Variants in ELF1 observed in about 807,000 individuals in gnomAD.
ELF1 encodes the protein E74 like ETS transcription factor 1.
In ELF1, 24 loss-of-function variants were observed where a neutral mutation model predicts 59.9. The observed-to-expected ratio is 0.40, with a 90% CI of 0.29 to 0.56. The LOEUF (loss-of-function observed/expected upper bound fraction) is 0.56, where lower values mean the gene tolerates loss of function less well. Ranked by LOEUF, ELF1 falls within the 20% of genes least tolerant of loss-of-function variation. ELF1 has a pLI of 0.44. For missense variants in ELF1, 627 were observed against 742.2 expected (o/e 0.84, Z 1.80); for synonymous variants, 248 against 266.2 (o/e 0.93, Z 0.67).
intron 1 of ELF1, among the ~76,000 whole-genome samples, chr13:41,042,716 C>T (rs1167136118): frequency 2.6e-5 from 4 of 152,124 alleles, no homozygotes; most frequent in African/African-American, 9.7e-5. Context: ...CATTGATGGA[C>T]ATTTGGCTTG....
At chr13:41,005,417 G>T (rs1593391064) in intron 1 of ELF1, among the ~76,000 whole-genome samples, 1 of 128,974 alleles carries the variant, frequency 7.8e-6, no homozygotes. Context: ...ACCTTGATAT[G>T]TGACCCTCCC....
At chr13:41,050,844 C>T (rs546566878) in intron 1 of ELF1, among the ~76,000 whole-genome samples, 96 of 152,328 alleles carry the variant, frequency 6.3e-4, no homozygotes, top group African/African-American at 2.1e-3. Context: ...CCACCACACC[C>T]GGCCTCTTTC....
chr13:41,032,374 T>C (rs1458692564), intron 1 of ELF1, among the ~76,000 whole-genome samples: 1 of 151,754 alleles, frequency 6.6e-6, no homozygotes, highest in Admixed American at 6.6e-5. Flanking sequence ...TGCACCACCA[T>C]GCCCAGCTAA....
Position 40,934,000 on chromosome 13 carries a change from C to G in ELF1, c.1285G>C (p.Val429Leu), listed in dbSNP as rs1238503234. 3 of 1,614,084 alleles carry G rather than the reference C, an allele frequency of 1.9e-6. No individual in the cohort carries two copies. The highest frequency in any genetic ancestry group is 2.5e-6 in the Non-Finnish European group (3 of 1,179,970). The part of the protein sequence containing the change: ...RTIQAPTQVP[V>L]VVSPRNQQLH... ...TGCTGATTCCTAGGAGACACAACCA[C>G]TGGAACTTGGGTTGGAGCCTGTATA... The change falls in exon 9 of 9, where the codon GTG (valine) becomes CTG (leucine). Residue 429 changes from valine to leucine, a missense_variant. Coordinates refer to ENST00000239882, the MANE Select transcript of ELF1 (RefSeq NM_172373.4).
chr13:40,944,054 G>A (rs1870355128), intron 5 of ELF1, 129 bp from the exon 6 acceptor site: 1 of 759,906 alleles, frequency 1.3e-6, no homozygotes, highest in Non-Finnish European at 2.1e-6. Flanking sequence ...ACATATACAG[G>A]TCTCTTAAAA....
chr13:41,048,066 C>T (rs1003744052), intron 1 of ELF1, among the ~76,000 whole-genome samples: 2 of 152,222 alleles, frequency 1.3e-5, no homozygotes, highest in Non-Finnish European at 2.9e-5. Flanking sequence ...GGGCATGAGG[C>T]CCTCCAAGCC....
chr13:41,001,948 C>CGTTCAATATCTAACTCCTA (rs1476462362), intron 1 of ELF1, among the ~76,000 whole-genome samples: 3 of 152,162 alleles, frequency 2.0e-5, no homozygotes, highest in African/African-American at 7.2e-5. Context: ...CTGTCTCTCT[C>CGTTCAATATCTAACTCCTA]GTTCAATATC....
intron 2 of ELF1, among the ~76,000 whole-genome samples, chr13:40,969,349 C>T (rs879893136): frequency 6.6e-6 from 1 of 152,152 alleles, no homozygotes; most frequent in Admixed American, 6.5e-5. Context: ...TCAGGTCAGT[C>T]AATTTCAATA....
At chr13:40,993,313 G>A in intron 1 of ELF1, 1 of 1,517,212 alleles carries the variant, frequency 6.6e-7, no homozygotes. Context: ...TTCATTTTGG[G>A]ACTGCTGCCT....
Position 40,982,132 on chromosome 13 carries a change from G to A in ELF1, c.-78C>T. On this transcript the variant is annotated 5_prime_UTR_variant, in exon 2 of 9. Coordinates refer to ENST00000239882, the MANE Select transcript of ELF1 (RefSeq NM_172373.4). The stretch of plus-strand genomic sequence containing the variant: ...TATCAGGCAGCAAAATCCAGTGACT[G>A]ATTTGGGTAAAAAACCCTCAGCTCT... The A allele has an allele frequency of 6.4e-7, 1 of 1,565,336 alleles. No individual in the cohort carries two copies. The highest frequency in any genetic ancestry group is 8.6e-7 in the Non-Finnish European group (1 of 1,157,260).
intron 2 of ELF1, among the ~76,000 whole-genome samples, chr13:40,969,699 T>G (rs1258788359): frequency 6.6e-6 from 1 of 152,188 alleles, no homozygotes; most frequent in East Asian, 1.9e-4. Flanking sequence ...CGAAACTGTT[T>G]AAATTAGTTC....
In ELF1 at chr13:40,950,100, C is replaced by T. The variant is rs1870759011; in HGVS notation, c.362-127G>A. The T allele has an allele frequency of 3.2e-6, 3 of 926,116 alleles. No individual in the cohort carries two copies. In the South Asian group the frequency reaches 6.1e-5, roughly 19 times the overall value. 57.4% of individuals were successfully genotyped at this position (926,116 alleles called of 1,614,324 possible). A position where few individuals can be genotyped will look rare whatever the true frequency, so the allele number is the denominator to read the frequency against. Reference sequence around the variant, plus strand: ...AGAAATAAAATCTTGAAATCTATTCCTGCGTTTAAGTTCCCCTTCCCAAAA... The same window carrying T: ...AGAAATAAAATCTTGAAATCTATTCTTGCGTTTAAGTTCCCCTTCCCAAAA... On this transcript the variant is annotated intron_variant, in intron 4 of 8. Transcript: ENST00000239882.
rs773617628 is a variant in ELF1, at chr13:40,958,975, A to G, written c.114T>C (p.His38=). The change falls in exon 3 of 9, where the codon CAT becomes CAC. Residue 38 remains histidine, a synonymous_variant. Coordinates refer to ENST00000239882, the MANE Select transcript of ELF1 (RefSeq NM_172373.4). ...PAIFPAVIVE[H]VPGADILNSY... ...TATTGAGAATATCAGCACCAGGAAC[A>G]TGTTCCACAATTACGGCAGGAAAAA... The G allele has an allele frequency of 5.6e-6, 9 of 1,612,996 alleles. 1 individual carries two copies. Among genetic ancestry groups the G allele is most frequent in the African/African-American group, 5.3e-5 (4 of 74,918 alleles).
chr13:40,966,825 C>A lies in ELF1; in HGVS notation c.73-7809G>T, dbSNP rs554392615. ...ATGAAATACCTACAAAATATTTTCCCAAAACAAAAAGCAAGTTAAATTTAG... is the reference window on the plus strand; with the variant it reads ...ATGAAATACCTACAAAATATTTTCCAAAAACAAAAAGCAAGTTAAATTTAG... On this transcript the variant is annotated intron_variant, in intron 2 of 8. Transcript: ENST00000239882. Among the ~76,000 whole-genome samples, 9 of 152,154 alleles carry A rather than the reference C, an allele frequency of 5.9e-5. No homozygotes were observed. In the South Asian group the frequency reaches 6.2e-4, roughly 11 times the overall value.
At chr13:40,992,343 C>A (rs1490686873) in intron 1 of ELF1, among the ~76,000 whole-genome samples, 4 of 152,198 alleles carry the variant, frequency 2.6e-5, no homozygotes, top group African/African-American at 9.7e-5. Context: ...ATGTGGCATT[C>A]TTTTAATACA....
At chr13:40,963,369 TAAC>T (rs1290933683) in intron 2 of ELF1, among the ~76,000 whole-genome samples, 1 of 152,218 alleles carries the variant, frequency 6.6e-6, no homozygotes, top group Non-Finnish European at 1.5e-5. Flanking sequence ...TCAGAGTCTA[TAAC>T]AAAATTTCTC....
rs573605507 is a variant in ELF1, at chr13:40,982,803, C to T, written c.-228-521G>A. ...TTAAAAATAAGCAGAAATTAAAGCC[C>T]ACTCTTTCTGTTCTTTAAAAAGGCT... On this transcript the variant is annotated intron_variant, in intron 1 of 8. Coordinates refer to ENST00000239882, the MANE Select transcript of ELF1 (RefSeq NM_172373.4). 6 of 854,006 alleles carry T rather than the reference C, an allele frequency of 7.0e-6. No individual in the cohort carries two copies. In the South Asian group the frequency reaches 2.7e-4, roughly 38 times the overall value. 52.9% of individuals were successfully genotyped at this position (854,006 alleles called of 1,614,324 possible).
chr13:41,051,274 C>T (rs1296728345), intron 1 of ELF1, among the ~76,000 whole-genome samples: 1 of 151,894 alleles, frequency 6.6e-6, no homozygotes, highest in Admixed American at 6.6e-5. Flanking sequence ...TCTGATGCCA[C>T]CTGCCTGCTT....
chr13:40,952,214 C>T (rs60129138), intron 3 of ELF1, among the ~76,000 whole-genome samples: 9,816 of 151,904 alleles, frequency 0.065, 757 homozygotes, highest in East Asian at 0.36. Context: ...TTTTCTATAC[C>T]CCCTCTAACT....
Sources: gnomAD v4.1 joint callset for allele counts (sites outside exome capture counted in the v4.1 genomes callset) on GRCh38, gnomAD v4.1.1 for gene constraint, MANE v1.5 for transcripts, NCBI Gene and HGNC (gene_info 2026-07-23, HGNC 2026-07-21) for gene names.